The following PIK3CD variants were observed in gnomAD, a reference collection of about 807,000 sequenced individuals.
PIK3CD encodes phosphatidylinositol-4,5-bisphosphate 3-kinase catalytic subunit delta, also known as phosphatidylinositol 4,5-bisphosphate 3-kinase catalytic subunit delta isoform.
Under a neutral mutation model 122.9 loss-of-function variants are expected in PIK3CD, and 20 were observed. That is an observed-to-expected ratio of 0.16 (90% CI 0.11 to 0.24). PIK3CD has a LOEUF of 0.24. Ranked by LOEUF, PIK3CD falls within the 10% of genes least tolerant of loss-of-function variation. PIK3CD has a pLI of 1.00. For synonymous variants in PIK3CD, 596 were observed against 593.4 expected (o/e 1.00, Z -0.06); for missense variants, 787 against 1,406.3 (o/e 0.56, Z 7.04).
intron 2 of PIK3CD, among the ~76,000 whole-genome samples, chr1:9,706,341 AAGTT>A (rs1165799612): frequency 2.6e-5 from 4 of 151,622 alleles, no homozygotes; most frequent in African/African-American, 9.7e-5. Context: ...AAAAAAAAAA[AAGTT>A]AGCAGGGCAT....
At chr1:9,669,460 G>A (rs1445104770) in intron 1 of PIK3CD, among the ~76,000 whole-genome samples, 1 of 152,182 alleles carries the variant, frequency 6.6e-6, no homozygotes, top group Non-Finnish European at 1.5e-5. Flanking sequence ...TTGGGTTACA[G>A]TTTGGTTTTA....
chr1:9,672,761 G>A (rs1478975020), intron 1 of PIK3CD: 1 of 152,122 alleles, frequency 6.6e-6, no homozygotes, highest in Non-Finnish European at 1.5e-5. Flanking sequence ...TTTATCCAAT[G>A]TGCTTTGTTG....
At position 9,717,188 on chromosome 1, in the gene PIK3CD, G is replaced by A; in HGVS notation, c.930+80G>A. 6.5e-7 allele frequency: 1 copy of A among 1,533,062 alleles called. No homozygotes were observed. The highest frequency in any genetic ancestry group is 9.0e-7 in the Non-Finnish European group (1 of 1,108,570). 95.0% of individuals were successfully genotyped at this position (1,533,062 alleles called of 1,614,324 possible). A position where few individuals can be genotyped will look rare whatever the true frequency, so the allele number is the denominator to read the frequency against. ...TCCAACTCCATGTGCTACTGGCCAT[G>A]GGTCCAGGGGCCCTTGGTATGGAGA... On this transcript the variant is annotated intron_variant, in intron 7 of 23. Transcript: ENST00000377346. The surrounding 1 kb of genome is among the most constrained non-coding windows in gnomAD (Gnocchi z 5.4).
Position 9,716,549 on chromosome 1 carries a change from A to G in PIK3CD, c.710A>G (p.Glu237Gly), listed in dbSNP as rs1366683993. 1 of 1,607,926 alleles carries G rather than the reference A, an allele frequency of 6.2e-7. No homozygotes were observed. The highest frequency in any genetic ancestry group is 8.5e-7 in the Non-Finnish European group (1 of 1,178,458). ...VFRQPLVEQP[E>G]DYTLQVNGRH... ...CGGCAGCCGCTGGTGGAGCAGCCGGAAGACTACACGCTGCAGGTGAACGGC... is the reference window on the plus strand; with the variant it reads ...CGGCAGCCGCTGGTGGAGCAGCCGGGAGACTACACGCTGCAGGTGAACGGC... The change falls in exon 6 of 24, where the codon GAA (glutamate) becomes GGA (glycine). Residue 237 changes from glutamate (E) to glycine (G), a missense_variant. Transcript: ENST00000377346.
rs566214696 is a variant in PIK3CD, at chr1:9,689,043, C to T, written c.-137-2424C>T. On this transcript the variant is annotated intron_variant, in intron 1 of 23. Transcript: ENST00000377346. This position sits in a 1 kb window ranked among gnomAD's most constrained non-coding sequence, Gnocchi z 6.1. ...ACAGCCAGCAGGCTGGATTTGAGCCCAGAGCCCGGGCTGGCCAATTACTCG... is the reference window on the plus strand; with the variant it reads ...ACAGCCAGCAGGCTGGATTTGAGCCTAGAGCCCGGGCTGGCCAATTACTCG... 5.9e-5 allele frequency among the ~76,000 whole-genome samples: 9 copies of T among 152,338 alleles called. No individual in the cohort carries two copies. Among genetic ancestry groups the T allele is most frequent in the Non-Finnish European group, 1.3e-4 (9 of 68,026 alleles).
At chr1:9,655,729 G>A (rs1448164921) in intron 1 of PIK3CD, among the ~76,000 whole-genome samples, 4 of 127,868 alleles carry the variant, frequency 3.1e-5, no homozygotes, top group South Asian at 4.8e-4. Context: ...ACGGAGTCTC[G>A]CTTTGTCGCC....
At chr1:9,650,442 AAAC>A (rs1644650566), upstream of PIK3CD, among the ~76,000 whole-genome samples, 3 of 151,680 alleles carry the variant, frequency 2.0e-5, no homozygotes, top group Admixed American at 1.3e-4. Context: ...CAAAGAAACA[AAAC>A]AACAAAAAAC....
the PIK3CD span, among the ~76,000 whole-genome samples, chr1:9,633,052 G>A: frequency 3.3e-5 from 5 of 152,020 alleles, no homozygotes; most frequent in East Asian, 1.9e-4. Context: ...TAGTAGAGAC[G>A]AGGTTTCACC....
At position 9,728,916 on chromosome 1, in the gene PIK3CD, G is replaced by T. The variant is rs914650673; in HGVS notation, c.*1870G>T. On this transcript the variant is annotated 3_prime_UTR_variant, in exon 24 of 24. Coordinates refer to ENST00000377346, the MANE Select transcript of PIK3CD (RefSeq NM_005026.5). ...AATGAGAAGTAAAGGCAGATGAAAAGAAAGAAAAAGCCTTTTTATGTTCTT... is the reference window on the plus strand; with the variant it reads ...AATGAGAAGTAAAGGCAGATGAAAATAAAGAAAAAGCCTTTTTATGTTCTT... The T allele has an allele frequency of 6.6e-6, 1 of 152,192 alleles. No individual in the cohort carries two copies. Among genetic ancestry groups the T allele is most frequent in the African/African-American group, 2.4e-5 (1 of 41,446 alleles). The allele number at this position is 152,192 out of a possible 1,614,324, so 9.4% of individuals were successfully genotyped here.
Position 9,661,512 on chromosome 1 carries a change from T to C in PIK3CD, c.-138+9710T>C, listed in dbSNP as rs902888704. On this transcript the variant is annotated intron_variant, in intron 1 of 23. Coordinates refer to ENST00000377346, the MANE Select transcript of PIK3CD (RefSeq NM_005026.5). ...CAAGTGATCCTCCTGCCTTAGCCTC[T>C]GGAGTAGCCGGGACTGTAGGTGCAT... Among the ~76,000 whole-genome samples, 9 of 152,306 alleles carry C rather than the reference T, an allele frequency of 5.9e-5. No individual in the cohort carries two copies. The South Asian group carries it at 1.9e-3, about 32-fold the overall frequency.
In PIK3CD at chr1:9,722,705, A is replaced by C; in HGVS notation, c.2426+99A>C. 1.9e-6 allele frequency: 2 copies of C among 1,038,314 alleles called. No homozygotes were observed. The highest frequency in any genetic ancestry group is 3.0e-6 in the Non-Finnish European group (2 of 668,496). The allele number at this position is 1,038,314 out of a possible 1,614,324, so 64.3% of individuals were successfully genotyped here. ...TTGTTGAAGGTGGCATGACCATCTC[A>C]GCCGGGGAAAGGGCTTTCCTAGGAA... On this transcript the variant is annotated intron_variant, in intron 19 of 23. Coordinates refer to ENST00000377346, the MANE Select transcript of PIK3CD (RefSeq NM_005026.5). This position sits in a 1 kb window ranked among gnomAD's most constrained non-coding sequence, Gnocchi z 7.6.
At chr1:9,634,496 G>A in the PIK3CD span, among the ~76,000 whole-genome samples, 5 of 151,144 alleles carry the variant, frequency 3.3e-5, no homozygotes, top group East Asian at 5.8e-4. Flanking sequence ...ATGGGGCCTC[G>A]CCATGTTGCC....
chr1:9,711,004 C>T (rs1233263092), intron 3 of PIK3CD, among the ~76,000 whole-genome samples: 1 of 152,088 alleles, frequency 6.6e-6, no homozygotes, highest in African/African-American at 2.4e-5. Flanking sequence ...AGGCTGGTCT[C>T]AAACTCCCGA....
At chr1:9,693,860 G>A (rs917703990) in intron 2 of PIK3CD, among the ~76,000 whole-genome samples, 2 of 152,102 alleles carry the variant, frequency 1.3e-5, no homozygotes, top group African/African-American at 4.8e-5. Context: ...TGGGGATGGA[G>A]TGCTTCGAAA....
chr1:9,723,906 C>A lies in PIK3CD; in HGVS notation c.2595-63C>A, dbSNP rs1278399459. 18 of 1,499,388 alleles carry A rather than the reference C, an allele frequency of 1.2e-5. No homozygotes were observed. Among genetic ancestry groups the A allele is most frequent in the Non-Finnish European group, 1.5e-5 (16 of 1,078,898 alleles). The allele number at this position is 1,499,388 out of a possible 1,614,324, so 92.9% of individuals were successfully genotyped here. ...ATTCAAGGGGAGAGGGAGTAATAAC[C>A]CACCTCTTGATAGGCGGAGCTGCAA... is the stretch of plus-strand genomic sequence containing the variant. On this transcript the variant is annotated intron_variant, in intron 20 of 23. Coordinates refer to ENST00000377346, the MANE Select transcript of PIK3CD (RefSeq NM_005026.5). This position sits in a 1 kb window ranked among gnomAD's most constrained non-coding sequence, Gnocchi z 4.9.
Position 9,717,473 on chromosome 1 carries a change from C to CAT in PIK3CD, c.931-62_931-61dup, listed in dbSNP as rs1324288744. The stretch of plus-strand genomic sequence containing the variant: ...GCCCCCAAGTGGTCACGGGCCTCAC[C>CAT]ATAGGCCAGGGAGACAAGCTGCACT... On this transcript the variant is annotated intron_variant, in intron 7 of 23. Transcript: ENST00000377346. This position sits in a 1 kb window ranked among gnomAD's most constrained non-coding sequence, Gnocchi z 5.4. 1 of 1,523,048 alleles carries CAT rather than the reference C, an allele frequency of 6.6e-7. No homozygotes were observed. Among genetic ancestry groups the CAT allele is most frequent in the Non-Finnish European group, 9.1e-7 (1 of 1,097,844 alleles). 94.3% of individuals were successfully genotyped at this position (1,523,048 alleles called of 1,614,324 possible). A position where few individuals can be genotyped will look rare whatever the true frequency, so the allele number is the denominator to read the frequency against.
chr1:9,696,995 C>T (rs571040696), intron 2 of PIK3CD, among the ~76,000 whole-genome samples: 6 of 144,664 alleles, frequency 4.1e-5, no homozygotes, highest in South Asian at 4.3e-4. Flanking sequence ...ACTGAGGAGG[C>T]GGAGATTGCA....
rs1343882347 is a variant in PIK3CD, at chr1:9,727,489, T to C, written c.*443T>C. 3.4e-6 allele frequency: 1 copy of C among 293,074 alleles called. No homozygotes were observed. Among genetic ancestry groups the C allele is most frequent in the Non-Finnish European group, 6.6e-6 (1 of 151,230 alleles). 18.2% of individuals were successfully genotyped at this position (293,074 alleles called of 1,614,324 possible). A position where few individuals can be genotyped will look rare whatever the true frequency, so the allele number is the denominator to read the frequency against. On this transcript the variant is annotated 3_prime_UTR_variant, in exon 24 of 24. Transcript: ENST00000377346. ...CCCACCCTGTGTATCCTCCCTAGAC[T>C]GAGTTCTGGCAGCTCCCCGAGGCAG...
chr1:9,702,500 C>CTTTTTTTTTTTTTT lies in PIK3CD; in HGVS notation c.-32-7900_-32-7887dup, dbSNP rs60167511. Among the ~76,000 whole-genome samples, 183 of 25,820 alleles carry CTTTTTTTTTTTTTT rather than the reference C, an allele frequency of 7.1e-3. 76 individuals carry two copies. Among genetic ancestry groups the CTTTTTTTTTTTTTT allele is most frequent in the Non-Finnish European group, 0.014 (135 of 9,536 alleles). 16.9% of individuals were successfully genotyped at this position (25,820 alleles called of 152,430 possible). ...GTCCACTTCCAAGGAAAGAACTTTC[C>CTTTTTTTTTTTTTT]TTTTTTTTTTTTTTTTTTTTTTTTT... On this transcript the variant is annotated intron_variant, in intron 2 of 23. Transcript: ENST00000377346.
Sources: gnomAD v4.1 joint callset for allele counts (sites outside exome capture counted in the v4.1 genomes callset) on GRCh38, gnomAD v4.1.1 for gene constraint, Gnocchi (gnomAD v3.1) non-coding constraint, MANE v1.5 for transcripts, NCBI Gene and HGNC (gene_info 2026-07-23, HGNC 2026-07-21) for gene names.